FHIP1B: variants seen among roughly 807,000 people sequenced by gnomAD.
The protein encoded by FHIP1B is FHF complex subunit HOOK interacting protein 1B.
FHIP1B carries 28 observed loss-of-function variants against 82.2 expected under a neutral mutation model. The observed-to-expected ratio is 0.34, with a 90% confidence interval of 0.25 to 0.47. FHIP1B has a LOEUF of 0.47. Ranked by LOEUF, FHIP1B falls within the 20% of genes least tolerant of loss-of-function variation. The pLI, the probability that FHIP1B is intolerant of heterozygous loss-of-function variation, is 1.00. For synonymous variants in FHIP1B, 585 were observed against 516.1 expected (o/e 1.13, Z -1.81); for missense variants, 1,110 against 1,262.6 (o/e 0.88, Z 1.83).
In FHIP1B at chr11:6,224,129, A is replaced by C; in HGVS notation, c.258T>G (p.Val86=). ...MLTLLAEDRA[V]PSAPTGPGPL... is the part of the protein sequence containing the mutation. ...GCCCAGGGCCTGTGGGGGCCGAGGG[A>C]ACTGCACGGTCCTCTGCCAGCAGTG... Residue 86 remains valine (V), a synonymous_variant, in exon 3 of 12, where the codon GTT becomes GTG. Transcript: ENST00000449352. 6.2e-7 allele frequency: 1 copy of C among 1,613,978 alleles called. No homozygotes were observed. Among genetic ancestry groups the C allele is most frequent in the Non-Finnish European group, 8.5e-7 (1 of 1,179,998 alleles).
chr11:6,218,794 G>A, intron 7 of FHIP1B, 31 bp from the exon 8 acceptor site: 1 of 1,611,282 alleles, frequency 6.2e-7, no homozygotes, highest in Non-Finnish European at 8.5e-7. Flanking sequence ...GGGACACAGG[G>A]TAGATCAGGA....
intron 1 of FHIP1B, among the ~76,000 whole-genome samples, chr11:6,226,107 C>T (rs887911069): frequency 6.6e-6 from 1 of 152,246 alleles, no homozygotes; most frequent in Non-Finnish European, 1.5e-5. Flanking sequence ...CAACAAAGGC[C>T]GAAGGAATCC....
intron 11 of FHIP1B, 148 bp downstream of exon 11, chr11:6,214,263 C>G (rs1847159699): frequency 1.0e-6 from 1 of 975,286 alleles, no homozygotes; most frequent in Non-Finnish European, 1.5e-6. Flanking sequence ...GTCCCCTGAC[C>G]AGAAGCCTGA....
chr11:6,219,570 G>C (rs979773121), intron 6 of FHIP1B, among the ~76,000 whole-genome samples: 1 of 152,190 alleles, frequency 6.6e-6, no homozygotes, highest in Non-Finnish European at 1.5e-5. Flanking sequence ...TCTAACACTA[G>C]TGTATCTCTC....
chr11:6,214,376 G>A (rs1474270936), intron 11 of FHIP1B, 35 bp downstream of exon 11: 1 of 1,567,710 alleles, frequency 6.4e-7, no homozygotes, highest in South Asian at 1.2e-5. Flanking sequence ...GCTATCTAGG[G>A]AGGGCAGGTA....
At chr11:6,218,899 C>T (rs1847327914) in intron 7 of FHIP1B, 72 bp downstream of exon 7, 2 of 1,576,098 alleles carry the variant, frequency 1.3e-6, no homozygotes, top group African/African-American at 2.7e-5. Flanking sequence ...CTATATAGCC[C>T]ATTGCCCCAG....
chr11:6,225,784 A>G (rs1847548790), intron 1 of FHIP1B, among the ~76,000 whole-genome samples: 1 of 152,170 alleles, frequency 6.6e-6, no homozygotes, highest in Admixed American at 6.5e-5. Flanking sequence ...ATGAGCAAAT[A>G]AGACCCTTAA....
At chr11:6,217,032 G>A (rs1847247365) in intron 9 of FHIP1B, 1 of 694,184 alleles carries the variant, frequency 1.4e-6, no homozygotes, top group Non-Finnish European at 2.6e-6. Flanking sequence ...CAGAAATATT[G>A]CTGTGATTCA....
chr11:6,221,208 C>A (rs1010150906), intron 6 of FHIP1B, among the ~76,000 whole-genome samples: 3 of 151,832 alleles, frequency 2.0e-5, no homozygotes, highest in African/African-American at 7.3e-5. Context: ...AGAAACTGCA[C>A]CTATACAAAA....
At position 6,233,376 on chromosome 11, in the gene FHIP1B, G is replaced by A. The variant is rs182832339; in HGVS notation, c.-192+1168C>T. ...GTGAAAGTGGCCATTATCACTGAAT[G>A]CCAAACCAACTTTCCAGAATTTCAC... On this transcript the variant is annotated intron_variant, in intron 1 of 11. Transcript: ENST00000449352. Among the ~76,000 whole-genome samples, 523 of 152,312 alleles carry A rather than the reference G, an allele frequency of 3.4e-3. 1 individual carries two copies. The highest frequency in any genetic ancestry group is 0.011 in the African/African-American group (471 of 41,574).
In FHIP1B at chr11:6,216,792, A is replaced by G. The variant is rs1168422358; in HGVS notation, c.2215+579T>C. 58 of 504,564 alleles carry G rather than the reference A, an allele frequency of 1.1e-4. No homozygotes were observed. In the East Asian group the frequency reaches 2.0e-3, roughly 17 times the overall value. The allele number at this position is 504,564 out of a possible 1,614,324, so 31.3% of individuals were successfully genotyped here. On this transcript the variant is annotated intron_variant, in intron 9 of 11. Coordinates refer to ENST00000449352, the MANE Select transcript of FHIP1B (RefSeq NM_001098794.2). ...CTTAGTGCTAGCAGACAGTCACAGC[A>G]ACCAAGAAGGTACAAGGAAAGCGAA... is the stretch of plus-strand genomic sequence containing the variant.
In FHIP1B at chr11:6,222,483, T is replaced by C. The variant is rs751798951; in HGVS notation, c.1150A>G (p.Ile384Val). 20 of 1,613,766 alleles carry C rather than the reference T, an allele frequency of 1.2e-5. No individual in the cohort carries two copies. The highest frequency in any genetic ancestry group is 3.3e-5 in the Admixed American group (2 of 59,988). Residue 384 changes from isoleucine (I) to valine (V), a missense_variant, in exon 6 of 12, where the codon ATC becomes GTC. This residue lies in a region of FHIP1B where 467 missense variants were observed against 602.9 expected (regional missense o/e 0.77). Transcript: ENST00000449352. ...LLLHRHDTHTILDTLVARIGS... is the reference protein window; with the variant it reads ...LLLHRHDTHTVLDTLVARIGS... ...ATACGAGCAACGAGGGTGTCGAGGA[T>C]GGTGTGGGTGTCATGCCGGTGCAAC...
At chr11:6,217,205 C>A (rs758833184) in intron 9 of FHIP1B, 166 bp downstream of exon 9, 3 of 724,606 alleles carry the variant, frequency 4.1e-6, no homozygotes, top group Non-Finnish European at 2.5e-6. Flanking sequence ...GACACAGGGA[C>A]ACAAGTATGA....
intron 8 of FHIP1B, 78 bp from the exon 9 acceptor site, chr11:6,218,228 G>A (rs1847304468): frequency 4.7e-6 from 7 of 1,489,882 alleles, no homozygotes. Flanking sequence ...GGGAGACTAA[G>A]AAAGAAGACA....
chr11:6,222,485 G>A lies in FHIP1B; in HGVS notation c.1148C>T (p.Thr383Ile). ...ACGAGCAACGAGGGTGTCGAGGATG[G>A]TGTGGGTGTCATGCCGGTGCAACAA... is the stretch of plus-strand genomic sequence containing the variant. Reference protein sequence around the residue: ...FLLLHRHDTHTILDTLVARIG... With the variant: ...FLLLHRHDTHIILDTLVARIG... The change falls in exon 6 of 12, where the codon ACC (threonine) becomes ATC (isoleucine). Residue 383 changes from threonine (T) to isoleucine (I), a missense_variant. By Grantham distance (89) the Thr-to-Ile change is moderately conservative (BLOSUM62 -1). Around this residue, in one of 6 missense-constraint regions of FHIP1B, gnomAD observed 467 missense variants for 602.9 expected, o/e 0.77. Coordinates refer to ENST00000449352, the MANE Select transcript of FHIP1B (RefSeq NM_001098794.2). 1.9e-6 allele frequency: 3 copies of A among 1,614,094 alleles called. No individual in the cohort carries two copies. The highest frequency in any genetic ancestry group is 2.5e-6 in the Non-Finnish European group (3 of 1,180,018).
At position 6,218,134 on chromosome 11, in the gene FHIP1B, A is replaced by G; in HGVS notation, c.1452T>C (p.Ser484=). 6.2e-7 allele frequency: 1 copy of G among 1,611,942 alleles called. No individual in the cohort carries two copies. The part of the protein sequence containing the change: ...ASWARGPGSP[S]VDSSSVTTVP... ...CTGTCGTCACAGAAGAGGAGTCCAC[A>G]CTTGGGCTTCCAGGACCTGCAAAGG... Residue 484 remains serine (S), a synonymous_variant, in exon 9 of 12, where the codon AGT becomes AGC. Coordinates refer to ENST00000449352, the MANE Select transcript of FHIP1B (RefSeq NM_001098794.2).
chr11:6,232,093 C>G (rs1847713854), intron 1 of FHIP1B, among the ~76,000 whole-genome samples: 1 of 152,194 alleles, frequency 6.6e-6, no homozygotes, highest in Admixed American at 6.5e-5. Flanking sequence ...TCTATCTCTA[C>G]ATCATCATCC....
chr11:6,233,962 C>T (rs1365693452), intron 1 of FHIP1B, among the ~76,000 whole-genome samples: 1 of 152,166 alleles, frequency 6.6e-6, no homozygotes, highest in Non-Finnish European at 1.5e-5. Context: ...CCTATGACAC[C>T]TTCATTTTCT....
intron 1 of FHIP1B, among the ~76,000 whole-genome samples, chr11:6,230,504 T>TAA (rs1250844348): frequency 1.3e-5 from 2 of 152,208 alleles, no homozygotes; most frequent in Non-Finnish European, 1.5e-5. Context: ...GAGCTCAGCT[T>TAA]ACACATTTCT....
Sources: allele counts gnomAD v4.1 joint callset (sites outside exome capture counted in the v4.1 genomes callset), GRCh38; gene constraint gnomAD v4.1.1; regional missense constraint gnomAD v4.1.1; transcripts MANE v1.5; gene names NCBI Gene and HGNC (gene_info 2026-07-23, HGNC 2026-07-21).